Variants in UNC5C observed in about 807,000 individuals in gnomAD.
The protein encoded by UNC5C is unc-5 netrin receptor C.
UNC5C carries 47 observed loss-of-function variants against 99.8 expected under a neutral mutation model. The ratio of observed to expected loss-of-function variants is 0.47; its 90% confidence interval spans 0.37 to 0.60. The LOEUF is 0.60. Ranked by LOEUF, UNC5C falls within the 20% of genes least tolerant of loss-of-function variation. The probability of loss-of-function intolerance (pLI) is 0.00; values close to 1 mark genes in which losing one functional copy is unlikely to be tolerated. For missense variants in UNC5C, 1,062 were observed against 1,165.9 expected (o/e 0.91, Z 1.30); for synonymous variants, 487 against 452.2 (o/e 1.08, Z -0.98).
intron 2 of UNC5C, among the ~76,000 whole-genome samples, chr4:95,327,985 G>C (rs147747862): frequency 3.4e-4 from 49 of 142,650 alleles, no homozygotes; most frequent in African/African-American, 1.1e-3. Context: ...AGCTAAAATA[G>C]CATTGTTTAT....
intron 1 of UNC5C, among the ~76,000 whole-genome samples, chr4:95,410,726 G>C (rs552117963): frequency 6.6e-5 from 10 of 152,272 alleles, no homozygotes; most frequent in African/African-American, 2.4e-4. Context: ...CATTCACTCT[G>C]AACACTAGAG....
intron 1 of UNC5C, among the ~76,000 whole-genome samples, chr4:95,431,529 A>ATTTTT (rs1746634163): frequency 5.3e-5 from 8 of 151,892 alleles, no homozygotes; most frequent in African/African-American, 1.9e-4. Context: ...TCAATAAAAT[A>ATTTTT]AGGGGTAAAG....
At chr4:95,171,562 A>G (rs2149344064) in intron 14 of UNC5C, among the ~76,000 whole-genome samples, 1 of 152,166 alleles carries the variant, frequency 6.6e-6, no homozygotes, top group East Asian at 1.9e-4. Flanking sequence ...TACAAAGGAC[A>G]TGAACTCATC....
At chr4:95,528,012 A>G (rs369843086) in intron 1 of UNC5C, among the ~76,000 whole-genome samples, 3 of 152,210 alleles carry the variant, frequency 2.0e-5, no homozygotes, top group Admixed American at 2.0e-4. Flanking sequence ...TGACAAAGAC[A>G]TAAGAAAAAG....
At chr4:95,518,480 T>A (rs1722271737) in intron 1 of UNC5C, among the ~76,000 whole-genome samples, 1 of 152,188 alleles carries the variant, frequency 6.6e-6, no homozygotes, top group Non-Finnish European at 1.5e-5. Flanking sequence ...AAATATTTTT[T>A]AAATTGACTT....
chr4:95,370,854 T>C (rs1744725901), intron 1 of UNC5C, among the ~76,000 whole-genome samples: 1 of 152,200 alleles, frequency 6.6e-6, no homozygotes, highest in South Asian at 2.1e-4. Flanking sequence ...CAAAAGAGTA[T>C]GTCATTCAAA....
At chr4:95,413,560 C>T (rs1746066559) in intron 1 of UNC5C, among the ~76,000 whole-genome samples, 1 of 152,138 alleles carries the variant, frequency 6.6e-6, no homozygotes, top group Non-Finnish European at 1.5e-5. Flanking sequence ...TAATACGATT[C>T]AGAATAATCA....
At chr4:95,436,483 A>G (rs1746794708) in intron 1 of UNC5C, among the ~76,000 whole-genome samples, 1 of 152,142 alleles carries the variant, frequency 6.6e-6, no homozygotes, top group Non-Finnish European at 1.5e-5. Flanking sequence ...GTGCAGATAT[A>G]TAACTAATTA....
chr4:95,210,407 A>G (rs1314271573), intron 10 of UNC5C, among the ~76,000 whole-genome samples: 1 of 152,336 alleles, frequency 6.6e-6, no homozygotes, highest in Non-Finnish European at 1.5e-5. Flanking sequence ...TACGCAGGAT[A>G]AGATTTAACT....
chr4:95,406,999 G>A lies in UNC5C; in HGVS notation c.125-71368C>T, dbSNP rs140598091. On this transcript the variant is annotated intron_variant, in intron 1 of 15. Coordinates refer to ENST00000453304, the MANE Select transcript of UNC5C (RefSeq NM_003728.4). ...CATTTTTAGGGGCTTCAAGAAGGAG[G>A]TATAAGTTATTGATTATACAAAAAT... Among the ~76,000 whole-genome samples the A allele has an allele frequency of 7.9e-3, 1,203 of 152,168 alleles. 19 individuals are homozygous for A. Among genetic ancestry groups the A allele is most frequent in the African/African-American group, 0.027 (1,123 of 41,514 alleles).
At chr4:95,224,875 A>G (rs543723185) in intron 7 of UNC5C, among the ~76,000 whole-genome samples, 1 of 151,720 alleles carries the variant, frequency 6.6e-6, no homozygotes, top group Admixed American at 6.6e-5. Flanking sequence ...AATTGAGATG[A>G]AATTTGACCT....
At chr4:95,200,005 C>T (rs111433626) in intron 12 of UNC5C, among the ~76,000 whole-genome samples, 66 of 152,268 alleles carry the variant, frequency 4.3e-4, no homozygotes, top group African/African-American at 1.5e-3. Context: ...AAATTATATG[C>T]GCTGACCCAA....
intron 12 of UNC5C, among the ~76,000 whole-genome samples, chr4:95,188,188 A>C (rs1378490005): frequency 6.6e-6 from 1 of 152,222 alleles, no homozygotes; most frequent in South Asian, 2.1e-4. Context: ...GCTGGCTCAG[A>C]CAGCTTGTCC....
intron 1 of UNC5C, among the ~76,000 whole-genome samples, chr4:95,510,019 G>A (rs879221474): frequency 5.9e-5 from 9 of 151,814 alleles, no homozygotes; most frequent in South Asian, 2.1e-4. Flanking sequence ...AGTCCTCTCC[G>A]TATTTTACGT....
intron 2 of UNC5C, among the ~76,000 whole-genome samples, chr4:95,311,590 G>T (rs914464403): frequency 6.6e-6 from 1 of 152,128 alleles, no homozygotes; most frequent in Non-Finnish European, 1.5e-5. Flanking sequence ...CGAAAGTGGG[G>T]CATAGTAATG....
intron 1 of UNC5C, among the ~76,000 whole-genome samples, chr4:95,521,326 C>G (rs1210274461): frequency 1.3e-5 from 2 of 149,350 alleles, no homozygotes; most frequent in Admixed American, 1.4e-4. Context: ...TCAAGCAATT[C>G]TCCTGCCTTA....
chr4:95,366,847 C>G (rs1359788307), intron 1 of UNC5C, among the ~76,000 whole-genome samples: 1 of 152,140 alleles, frequency 6.6e-6, no homozygotes. Context: ...CTTTGTGAGG[C>G]AATTTATACC....
intron 2 of UNC5C, among the ~76,000 whole-genome samples, chr4:95,319,027 C>G (rs1355642512): frequency 2.0e-5 from 3 of 152,220 alleles, no homozygotes; most frequent in Non-Finnish European, 4.4e-5. Flanking sequence ...GTGCAGTAAT[C>G]AAGTCTTGGT....
intron 1 of UNC5C, among the ~76,000 whole-genome samples, chr4:95,487,592 A>G (rs974006630): frequency 6.6e-6 from 1 of 151,802 alleles, no homozygotes; most frequent in Non-Finnish European, 1.5e-5. Context: ...GACTTACACT[A>G]CTATAAATAC....
Sources: allele counts gnomAD v4.1 joint callset (sites outside exome capture counted in the v4.1 genomes callset), GRCh38; gene constraint gnomAD v4.1.1; transcripts MANE v1.5; gene names NCBI Gene and HGNC (gene_info 2026-07-23, HGNC 2026-07-21).